Variants in CTNNA2 observed in about 807,000 individuals in gnomAD.
CTNNA2 encodes catenin alpha-2.
A neutral mutation model predicts 101.0 loss-of-function variants in CTNNA2; 42 were observed. The ratio of observed to expected loss-of-function variants is 0.42; its 90% CI spans 0.32 to 0.54. CTNNA2 has a LOEUF of 0.54. CTNNA2 is among the 20% of genes least tolerant of loss of function. CTNNA2 has a pLI of 0.14. For missense variants in CTNNA2, 871 were observed against 1,223.1 expected, an observed-to-expected ratio of 0.71 and a Z score of 4.29; for synonymous variants, 450 against 456.4, an observed-to-expected ratio of 0.99 and a Z score of 0.18.
intron 17 of CTNNA2, 164 bp from the exon 18 acceptor site, chr2:80,618,921 C>G (rs997996229): frequency 4.5e-6 from 2 of 442,330 alleles, no homozygotes; most frequent in Admixed American, 7.9e-5. Flanking sequence ...TCAAGAAAGC[C>G]CATATGTATA....
Position 79,858,198 on chromosome 2 carries a change from T to C in CTNNA2, c.465+19T>C. On this transcript the variant is annotated intron_variant, in intron 4 of 18. Coordinates refer to ENST00000402739, the MANE Select transcript of CTNNA2 (RefSeq NM_001282597.3). ...GAAAATTGTACGTATGTAGAACTTATCAAAACTTTCTTTATGTGAGTGGCA... is the reference window on the plus strand; with the variant it reads ...GAAAATTGTACGTATGTAGAACTTACCAAAACTTTCTTTATGTGAGTGGCA... 3.8e-6 allele frequency: 6 copies of C among 1,592,698 alleles called. No homozygotes were observed. The highest frequency in any genetic ancestry group is 1.7e-5 in the Admixed American group (1 of 59,672).
chr2:80,585,027 A>G (rs2149725872), intron 14 of CTNNA2, among the ~76,000 whole-genome samples: 1 of 152,196 alleles, frequency 6.6e-6, no homozygotes, highest in East Asian at 1.9e-4. Flanking sequence ...AAAGTCAAGT[A>G]AGTAGAAACA....
intron 7 of CTNNA2, among the ~76,000 whole-genome samples, chr2:80,380,489 C>G (rs1676421256): frequency 2.0e-5 from 3 of 152,156 alleles, no homozygotes. Context: ...CCAAGAAGTT[C>G]TCCCAGTTTT....
intron 7 of CTNNA2, among the ~76,000 whole-genome samples, chr2:80,253,953 T>C (rs1671951358): frequency 6.6e-6 from 1 of 152,066 alleles, no homozygotes; most frequent in Admixed American, 6.6e-5. Flanking sequence ...ATAAGTAAGA[T>C]AGGTCTGGGG....
intron 7 of CTNNA2, among the ~76,000 whole-genome samples, chr2:80,314,655 G>T (rs1186693591): frequency 6.6e-6 from 1 of 152,206 alleles, no homozygotes; most frequent in African/African-American, 2.4e-5. Context: ...GAGTGAAGCT[G>T]CAAAGGAAAC....
chr2:79,280,657 A>AGAGAGAGAGAG (rs1334847406), intron 2 of CTNNA2, among the ~76,000 whole-genome samples: 60 of 50,140 alleles, frequency 1.2e-3, no homozygotes, highest in South Asian at 3.4e-3. Context: ...GTGTGTGTGT[A>AGAGAGAGAGAG]AGAGAAAGAG....
intron 3 of CTNNA2, among the ~76,000 whole-genome samples, chr2:79,346,833 G>A (rs577813803): frequency 3.9e-5 from 6 of 152,276 alleles, no homozygotes; most frequent in African/African-American, 7.2e-5. Flanking sequence ...CAGCTCTGAG[G>A]CACCTCCACA....
chr2:80,522,638 T>TG (rs1045709193), intron 9 of CTNNA2, among the ~76,000 whole-genome samples: 2 of 152,044 alleles, frequency 1.3e-5, no homozygotes, highest in African/African-American at 4.8e-5. Context: ...GATTGGATCA[T>TG]GGGGATGGTT....
chr2:79,951,586 A>T (rs1418779847), intron 7 of CTNNA2, among the ~76,000 whole-genome samples: 1 of 152,062 alleles, frequency 6.6e-6, no homozygotes, highest in African/African-American at 2.4e-5. Context: ...AATCACTTGA[A>T]CCTGGGAGGC....
chr2:80,558,654 T>G (rs1431674079), intron 12 of CTNNA2, among the ~76,000 whole-genome samples: 1 of 152,096 alleles, frequency 6.6e-6, no homozygotes, highest in Non-Finnish European at 1.5e-5. Flanking sequence ...TTTAGAGCCA[T>G]GTTGAATTGG....
intron 4 of CTNNA2, among the ~76,000 whole-genome samples, chr2:79,484,682 G>T (rs1671141532): frequency 6.6e-6 from 1 of 152,116 alleles, no homozygotes; most frequent in African/African-American, 2.4e-5. Context: ...TTATAGGTGA[G>T]CTATCCTGAG....
intron 7 of CTNNA2, among the ~76,000 whole-genome samples, chr2:80,357,586 G>A (rs1009741214): frequency 5.9e-5 from 9 of 152,034 alleles, no homozygotes; most frequent in Non-Finnish European, 1.2e-4. Context: ...TGGGACCAAT[G>A]ATGTGTGGCA....
At chr2:79,982,467 C>T (rs1322130842) in intron 7 of CTNNA2, among the ~76,000 whole-genome samples, 1 of 128,732 alleles carries the variant, frequency 7.8e-6, no homozygotes, top group African/African-American at 3.5e-5. Context: ...TTACAGACTC[C>T]TAACTACACA....
chr2:79,930,268 AAGAAAGAAAGAG>A (rs1374390427), intron 7 of CTNNA2, among the ~76,000 whole-genome samples: 1 of 9,434 alleles, frequency 1.1e-4, no homozygotes, highest in African/African-American at 1.9e-4. Context: ...GAAAGAAAGA[AAGAAAGAAAGAG>A]AGAGAGAGAG....
chr2:79,516,006 A>T (rs1459336842), intron 1 of CTNNA2, among the ~76,000 whole-genome samples: 1 of 152,184 alleles, frequency 6.6e-6, no homozygotes, highest in Non-Finnish European at 1.5e-5. Flanking sequence ...CTCAGCTTAC[A>T]GTCTAGTTGA....
intron 1 of CTNNA2, among the ~76,000 whole-genome samples, chr2:79,643,942 C>T (rs1469259069): frequency 6.6e-6 from 1 of 152,126 alleles, no homozygotes; most frequent in Non-Finnish European, 1.5e-5. Context: ...AATCCCTCTG[C>T]CTTTTCCCTT....
intron 2 of CTNNA2, among the ~76,000 whole-genome samples, chr2:79,307,339 TCCG>T (rs60738092): frequency 0.18 from 27,076 of 152,058 alleles, 2,770 homozygotes; most frequent in African/African-American, 0.29. Context: ...AACTTACTCC[TCCG>T]ATCTAGCTGT....
At chr2:80,519,954 T>A (rs143950030) in intron 9 of CTNNA2, among the ~76,000 whole-genome samples, 58 of 152,260 alleles carry the variant, frequency 3.8e-4, no homozygotes, top group Admixed American at 3.8e-3. Context: ...CTGTCACACC[T>A]TCACCACATG....
intron 7 of CTNNA2, among the ~76,000 whole-genome samples, chr2:80,132,677 G>A (rs1702478429): frequency 6.6e-6 from 1 of 152,142 alleles, no homozygotes; most frequent in South Asian, 2.1e-4. Flanking sequence ...TATAAATGCA[G>A]GCATTGATGT....
Sources: gnomAD v4.1 joint callset for allele counts (sites outside exome capture counted in the v4.1 genomes callset) on GRCh38, gnomAD v4.1.1 for gene constraint, MANE v1.5 for transcripts, NCBI Gene and HGNC (gene_info 2026-07-23, HGNC 2026-07-21) for gene names.